THADA: variants seen among roughly 807,000 people sequenced by gnomAD.
The protein encoded by THADA is THADA armadillo repeat containing.
A neutral mutation model predicts 219.8 loss-of-function variants in THADA; 213 were observed. The observed-to-expected ratio is 0.97, with a 90% CI of 0.87 to 1.09. THADA has a LOEUF of 1.09. THADA is among the 50% of genes least tolerant of loss of function. THADA has a pLI of 0.00. For missense variants in THADA, 2,956 were observed against 2,311.3 expected, an observed-to-expected ratio of 1.28 and a Z score of -5.72; for synonymous variants, 1,018 against 828.9, an observed-to-expected ratio of 1.23 and a Z score of -3.92.
chr2:43,243,387 T>C (rs1234840667), intron 36 of THADA, among the ~76,000 whole-genome samples: 3 of 152,182 alleles, frequency 2.0e-5, no homozygotes, highest in Non-Finnish European at 2.9e-5. Flanking sequence ...CATTCTACAG[T>C]GTTCACGATA....
intron 28 of THADA, among the ~76,000 whole-genome samples, chr2:43,419,158 T>C (rs945280940): frequency 2.0e-4 from 30 of 152,272 alleles, no homozygotes; most frequent in Non-Finnish European, 3.2e-4. Context: ...GGTGTTGGGT[T>C]GGGCAAGGGC....
chr2:43,414,237 C>G (rs1189851079), intron 28 of THADA, among the ~76,000 whole-genome samples: 1 of 152,180 alleles, frequency 6.6e-6, no homozygotes, highest in Non-Finnish European at 1.5e-5. Flanking sequence ...TGTGGTAAAA[C>G]ACACATAACC....
At chr2:43,396,409 C>T (rs2104708982) in intron 29 of THADA, among the ~76,000 whole-genome samples, 1 of 152,302 alleles carries the variant, frequency 6.6e-6, no homozygotes, top group East Asian at 1.9e-4. Context: ...TTTTCTGGTC[C>T]TTTTTTGTCC....
intron 26 of THADA, among the ~76,000 whole-genome samples, chr2:43,434,880 G>C (rs1679865905): frequency 6.6e-6 from 1 of 152,234 alleles, no homozygotes; most frequent in Non-Finnish European, 1.5e-5. Flanking sequence ...CCTATGGACA[G>C]CTAAACTGAA....
intron 16 of THADA, 77 bp downstream of exon 16, chr2:43,560,157 T>C (rs962727401): frequency 7.7e-7 from 1 of 1,291,614 alleles, no homozygotes; most frequent in African/African-American, 1.5e-5. Context: ...AGCACATGAA[T>C]AATCCTCAGA....
chr2:43,258,991 A>T lies in THADA; in HGVS notation c.5296+20774T>A, dbSNP rs1670647538. Among the ~76,000 whole-genome samples, 3 of 152,192 alleles carry T rather than the reference A, an allele frequency of 2.0e-5. No homozygotes were observed. In the South Asian group the frequency reaches 6.2e-4, roughly 32 times the overall value. The stretch of plus-strand genomic sequence containing the variant: ...GAAGATTCTGGAGGTTCTGTGGTGG[A>T]AAGTGAACCTTCTGGAGCACTAAGG... On this transcript the variant is annotated intron_variant, in intron 36 of 37. Transcript: ENST00000405975.
intron 16 of THADA, among the ~76,000 whole-genome samples, chr2:43,559,215 A>C (rs140817298): frequency 6.0e-4 from 91 of 152,304 alleles, no homozygotes; most frequent in Middle Eastern, 3.4e-3. Context: ...GCACCAGGGA[A>C]CTTTCTGCTC....
intron 22 of THADA, among the ~76,000 whole-genome samples, chr2:43,513,710 C>T (rs1337379628): frequency 1.3e-5 from 2 of 152,056 alleles, no homozygotes; most frequent in Non-Finnish European, 2.9e-5. Context: ...AAACAAAAGG[C>T]TCCCATCATA....
chr2:43,566,791 A>G lies in THADA; in HGVS notation c.2218T>C (p.Phe740Leu), dbSNP rs1466738554. The G allele has an allele frequency of 1.6e-5, 25 of 1,531,856 alleles. No individual in the cohort carries two copies. The highest frequency in any genetic ancestry group is 2.2e-5 in the Non-Finnish European group (25 of 1,147,416). The allele number at this position is 1,531,856 out of a possible 1,614,324, so 94.9% of individuals were successfully genotyped here. A position where few individuals can be genotyped will look rare whatever the true frequency, so the allele number is the denominator to read the frequency against. Residue 740 changes from phenylalanine (F) to leucine (L), a missense_variant, in exon 15 of 38, where the codon TTT (phenylalanine) becomes CTT (leucine). Transcript: ENST00000405975. ...GAAGATCCAGGAAACAATGCTTCAA[A>G]AAGACTGTTACAAATGGATGACATG... ...NFMSSICNSL[F>L]EALFPGSSYS...
intron 31 of THADA, among the ~76,000 whole-genome samples, chr2:43,315,744 G>C (rs531857068): frequency 1.3e-5 from 2 of 152,346 alleles, no homozygotes; most frequent in South Asian, 2.1e-4. Flanking sequence ...TGGGATTATA[G>C]GCGTGAGCCA....
At chr2:43,300,751 T>C (rs1016328169) in intron 31 of THADA, among the ~76,000 whole-genome samples, 1 of 152,216 alleles carries the variant, frequency 6.6e-6, no homozygotes, top group African/African-American at 2.4e-5. Context: ...GAGGAAATTA[T>C]CAAGTGACAT....
At chr2:43,507,314 C>T (rs922322637) in intron 23 of THADA, among the ~76,000 whole-genome samples, 1 of 152,178 alleles carries the variant, frequency 6.6e-6, no homozygotes, top group Non-Finnish European at 1.5e-5. Flanking sequence ...ACTGATTACT[C>T]ATTATGACCA....
chr2:43,427,431 C>T (rs113057331), intron 28 of THADA, among the ~76,000 whole-genome samples: 14 of 151,580 alleles, frequency 9.2e-5, no homozygotes, highest in African/African-American at 3.2e-4. Context: ...AATATAAGCA[C>T]CTTACTCTGA....
At chr2:43,412,065 A>C (rs576211362) in intron 28 of THADA, among the ~76,000 whole-genome samples, 1 of 152,322 alleles carries the variant, frequency 6.6e-6, no homozygotes, top group Non-Finnish European at 1.5e-5. Flanking sequence ...GCCAATTTTG[A>C]TGATCAGATG....
chr2:43,432,242 A>G (rs969208052), intron 26 of THADA, among the ~76,000 whole-genome samples: 2 of 151,406 alleles, frequency 1.3e-5, no homozygotes, highest in African/African-American at 4.9e-5. Flanking sequence ...CGCCCACCTC[A>G]GCCTCCCAAA....
chr2:43,534,910 G>C (rs767861360), intron 21 of THADA, among the ~76,000 whole-genome samples: 10 of 152,054 alleles, frequency 6.6e-5, no homozygotes, highest in Non-Finnish European at 1.3e-4. Context: ...AGTTTTTAGA[G>C]GAATCTCCAC....
intron 15 of THADA, chr2:43,566,320 G>T (rs1410337663): frequency 3.6e-6 from 2 of 556,892 alleles, no homozygotes; most frequent in African/African-American, 3.9e-5. Flanking sequence ...TAACCACAGA[G>T]ACTCACTGAG....
intron 29 of THADA, among the ~76,000 whole-genome samples, chr2:43,347,872 G>A (rs1474634452): frequency 1.3e-5 from 2 of 152,230 alleles, no homozygotes; most frequent in Non-Finnish European, 2.9e-5. Context: ...AGACCTTAAA[G>A]GCAATGTCAT....
At chr2:43,481,126 C>A (rs1686162645) in intron 26 of THADA, among the ~76,000 whole-genome samples, 1 of 152,170 alleles carries the variant, frequency 6.6e-6, no homozygotes, top group South Asian at 2.1e-4. Flanking sequence ...CTGGAAATTG[C>A]TTCAAAATCT....
Sources: allele counts gnomAD v4.1 joint callset (sites outside exome capture counted in the v4.1 genomes callset), GRCh38; gene constraint gnomAD v4.1.1; transcripts MANE v1.5; gene names NCBI Gene and HGNC (gene_info 2026-07-23, HGNC 2026-07-21).